The following UBR2 variants were observed in gnomAD, a reference collection of about 807,000 sequenced individuals.
UBR2 encodes E3 ubiquitin-protein ligase UBR2.
UBR2 carries 92 observed loss-of-function variants against 247.9 expected under a neutral mutation model. That is an observed-to-expected ratio of 0.37 (90% confidence interval 0.31 to 0.44). The LOEUF (loss-of-function observed/expected upper bound fraction) is 0.44. UBR2 is among the 20% of genes least tolerant of loss of function. The pLI, the probability that UBR2 is intolerant of heterozygous loss-of-function variation, is 1.00. For missense variants in UBR2, 1,613 were observed against 2,112.6 expected, an observed-to-expected ratio of 0.76 and a Z score of 4.64; for synonymous variants, 672 against 693.5, an observed-to-expected ratio of 0.97 and a Z score of 0.49.
chr6:42,679,465 A>C (rs556543080), intron 41 of UBR2, among the ~76,000 whole-genome samples: 13 of 152,228 alleles, frequency 8.5e-5, no homozygotes, highest in Non-Finnish European at 1.5e-4. Context: ...GTGCAGGCAC[A>C]CCATTTTGCA....
intron 3 of UBR2, 66 bp from the exon 4 acceptor site, chr6:42,594,124 CT>C: frequency 8.1e-7 from 1 of 1,239,826 alleles, no homozygotes; most frequent in Non-Finnish European, 1.2e-6. Context: ...ACTTGATATT[CT>C]TATTTATTAT....
chr6:42,580,643 G>A (rs536367897), intron 2 of UBR2, among the ~76,000 whole-genome samples: 3 of 151,394 alleles, frequency 2.0e-5, no homozygotes, highest in African/African-American at 7.3e-5. Flanking sequence ...GGGTTCAAGC[G>A]ATTCTCCTGC....
intron 6 of UBR2, 83 bp from the exon 7 acceptor site, chr6:42,606,506 C>A: frequency 8.5e-7 from 1 of 1,176,552 alleles, no homozygotes; most frequent in Non-Finnish European, 1.2e-6. Context: ...TTGTTATATG[C>A]TTAAACATGT....
intron 1 of UBR2, among the ~76,000 whole-genome samples, chr6:42,571,112 G>A (rs1582414452): frequency 6.6e-6 from 1 of 150,948 alleles, no homozygotes; most frequent in East Asian, 2.0e-4. Context: ...AAGCATCCAT[G>A]CTAGCCTGTA....
At chr6:42,577,588 T>TACAAATACAAAATATACAATTTGTAAA (rs1791608425) in intron 2 of UBR2, among the ~76,000 whole-genome samples, 1 of 152,340 alleles carries the variant, frequency 6.6e-6, no homozygotes, top group African/African-American at 2.4e-5. Flanking sequence ...ATTTTGATAA[T>TACAAATACAAAATATACAATTTGTAAA]TGTATATTTT....
Position 42,573,897 on chromosome 6 carries a change from A to C in UBR2, c.242A>C (p.Asp81Ala), listed in dbSNP as rs1562274900. Residue 81 changes from aspartate (D) to alanine (A), a missense_variant, in exon 2 of 47, where the codon GAT (aspartate) becomes GCT (alanine). By Grantham distance (126) the Asp-to-Ala change is moderately radical. Transcript: ENST00000372901. ...GPMEWYLCGE[D>A]PAFGFPKLEQ... ...ATGGAATGGTACCTTTGTGGTGAAG[A>C]TCCTGCATTTGGATTTCCAAAACTT... The C allele has an allele frequency of 6.2e-7, 1 of 1,614,076 alleles. No individual in the cohort carries two copies. Among genetic ancestry groups the C allele is most frequent in the Non-Finnish European group, 8.5e-7 (1 of 1,180,012 alleles).
chr6:42,662,088 T>C, intron 30 of UBR2, 96 bp from the exon 31 acceptor site: 1 of 747,612 alleles, frequency 1.3e-6, no homozygotes. Flanking sequence ...AAATTTCAAG[T>C]CTTTATCAAG....
intron 7 of UBR2, among the ~76,000 whole-genome samples, chr6:42,610,405 C>G (rs1255712570): frequency 3.9e-5 from 6 of 152,160 alleles, no homozygotes; most frequent in African/African-American, 7.2e-5. Context: ...CATCATAATT[C>G]ACAATAGCCA....
At chr6:42,620,565 G>A (rs113057735) in intron 11 of UBR2, among the ~76,000 whole-genome samples, 11,085 of 146,036 alleles carry the variant, frequency 0.076, 527 homozygotes, top group South Asian at 0.12. Flanking sequence ...GCATGATCTC[G>A]GGTCAGTGCA....
Position 42,688,049 on chromosome 6 carries a change from G to A in UBR2, c.4854-167G>A, listed in dbSNP as rs892897429. The A allele has an allele frequency of 1.3e-5, 9 of 687,442 alleles. No individual in the cohort carries two copies. In the African/African-American group the frequency reaches 1.6e-4, roughly 12 times the overall value. 42.6% of individuals were successfully genotyped at this position (687,442 alleles called of 1,614,324 possible). On this transcript the variant is annotated intron_variant, in intron 44 of 46. Transcript: ENST00000372901. ...ACATGGTCTTTGTATATATGTGCAA[G>A]ATGTTTCCTATTCCAGATTCTAGGA...
chr6:42,586,504 T>C (rs1792271433), intron 2 of UBR2, among the ~76,000 whole-genome samples: 1 of 151,092 alleles, frequency 6.6e-6, no homozygotes, highest in South Asian at 2.1e-4. Flanking sequence ...TTGATTTAGG[T>C]CTACCATTTG....
intron 1 of UBR2, among the ~76,000 whole-genome samples, chr6:42,568,420 A>G (rs1790907940): frequency 6.6e-6 from 1 of 152,106 alleles, no homozygotes; most frequent in Non-Finnish European, 1.5e-5. Context: ...TTTCTCTTAG[A>G]TAATGTTTTA....
chr6:42,690,730 G>A (rs1425826512), intron 46 of UBR2, among the ~76,000 whole-genome samples: 1 of 152,096 alleles, frequency 6.6e-6, no homozygotes, highest in African/African-American at 2.4e-5. Flanking sequence ...TGAATTGGTA[G>A]TTTTAGCCTC....
At chr6:42,599,598 G>A (rs1306737560) in intron 4 of UBR2, among the ~76,000 whole-genome samples, 1 of 144,278 alleles carries the variant, frequency 6.9e-6, no homozygotes, top group African/African-American at 2.6e-5. Flanking sequence ...CATGGTTTGG[G>A]GTTTTGTTTG....
chr6:42,594,848 A>G (rs1454262282), intron 4 of UBR2, among the ~76,000 whole-genome samples: 1 of 152,180 alleles, frequency 6.6e-6, no homozygotes, highest in Non-Finnish European at 1.5e-5. Context: ...TGGATTTGTA[A>G]TGGAATAGTA....
chr6:42,641,445 C>T (rs975114147), intron 16 of UBR2, 137 bp from the exon 17 acceptor site: 28 of 568,254 alleles, frequency 4.9e-5, no homozygotes, highest in African/African-American at 4.7e-4. Context: ...GAGACTCTGT[C>T]TCAAAAAATA....
At chr6:42,632,958 C>CTTTTTTTTTTTTTTTTTTTCT (rs34284200) in intron 13 of UBR2, 54 bp downstream of exon 13, 1 of 610,588 alleles carries the variant, frequency 1.6e-6, no homozygotes, top group Admixed American at 5.4e-5. Context: ...TCTCTTTTCT[C>CTTTTTTTTTTTTTTTTTTTCT]TTTTTTTTTT....
At chr6:42,654,448 G>A (rs555729244) in intron 25 of UBR2, among the ~76,000 whole-genome samples, 17 of 152,276 alleles carry the variant, frequency 1.1e-4, no homozygotes, top group African/African-American at 3.9e-4. Flanking sequence ...GTGTGGGCCC[G>A]GCACAGTGGC....
At chr6:42,638,021 G>A (rs1044214995) in intron 15 of UBR2, among the ~76,000 whole-genome samples, 1 of 152,086 alleles carries the variant, frequency 6.6e-6, no homozygotes, top group African/African-American at 2.4e-5. Flanking sequence ...TGATGTGAGG[G>A]TATGTTTTTT....
Sources: gnomAD v4.1 joint callset for allele counts (sites outside exome capture counted in the v4.1 genomes callset) on GRCh38, gnomAD v4.1.1 for gene constraint, MANE v1.5 for transcripts, NCBI Gene and HGNC (gene_info 2026-07-23, HGNC 2026-07-21) for gene names.